Variants in GRM7 observed in about 807,000 individuals in gnomAD.
GRM7 encodes the protein metabotropic glutamate receptor 7.
GRM7 carries 35 observed loss-of-function variants against 84.5 expected under a neutral mutation model. The observed-to-expected ratio is 0.41, with a 90% CI of 0.32 to 0.55. GRM7 has a LOEUF of 0.55. GRM7 is among the 20% of genes least tolerant of loss of function. The pLI, the probability that GRM7 is intolerant of heterozygous loss-of-function variation, is 0.19. For missense variants in GRM7, 1,003 were observed against 1,194.6 expected (o/e 0.84, Z 2.36); for synonymous variants, 487 against 455.1 (o/e 1.07, Z -0.89).
intron 5 of GRM7, among the ~76,000 whole-genome samples, chr3:7,441,484 C>T (rs1199851938): frequency 6.6e-6 from 1 of 151,968 alleles, no homozygotes; most frequent in Non-Finnish European, 1.5e-5. Context: ...TGTAGAAGCT[C>T]TTTAGTATAA....
At chr3:7,164,605 T>G (rs1253434357) in intron 2 of GRM7, among the ~76,000 whole-genome samples, 1 of 152,248 alleles carries the variant, frequency 6.6e-6, no homozygotes, top group African/African-American at 2.4e-5. Flanking sequence ...CTGGATTATC[T>G]TTCTTCTTTT....
intron 2 of GRM7, among the ~76,000 whole-genome samples, chr3:7,276,879 G>A (rs1299012631): frequency 6.9e-6 from 1 of 145,212 alleles, no homozygotes; most frequent in East Asian, 2.2e-4. Flanking sequence ...AGACATATTA[G>A]TTGTTACTAC....
At chr3:6,986,878 C>G (rs960339908) in intron 1 of GRM7, among the ~76,000 whole-genome samples, 1 of 152,168 alleles carries the variant, frequency 6.6e-6, no homozygotes, top group African/African-American at 2.4e-5. Context: ...CTGGTCATCT[C>G]TATACCTTCA....
At chr3:7,383,046 G>A (rs1694651182) in intron 4 of GRM7, among the ~76,000 whole-genome samples, 1 of 151,538 alleles carries the variant, frequency 6.6e-6, no homozygotes, top group African/African-American at 2.4e-5. Flanking sequence ...CTTAGCGAGT[G>A]ATCCTGAATA....
chr3:7,673,352 T>C (rs1700000891), intron 8 of GRM7, among the ~76,000 whole-genome samples: 1 of 152,196 alleles, frequency 6.6e-6, no homozygotes, highest in Non-Finnish European at 1.5e-5. Context: ...CATAAGTGCA[T>C]ACTCTGCAGC....
intron 2 of GRM7, among the ~76,000 whole-genome samples, chr3:7,247,800 G>C (rs1258650798): frequency 1.3e-5 from 2 of 151,986 alleles, no homozygotes. Flanking sequence ...GTAAGGAAAG[G>C]TCAAAGACCT....
At chr3:7,423,237 C>T (rs546519407) in intron 5 of GRM7, among the ~76,000 whole-genome samples, 3 of 152,298 alleles carry the variant, frequency 2.0e-5, no homozygotes, top group Admixed American at 1.3e-4. Flanking sequence ...AACAGTGAAA[C>T]ACCAACTTGA....
intron 1 of GRM7, among the ~76,000 whole-genome samples, chr3:6,892,013 A>G (rs1695972993): frequency 6.6e-6 from 1 of 151,824 alleles, no homozygotes; most frequent in African/African-American, 2.4e-5. Context: ...CCTTTCTTCC[A>G]GTTGGTTGCA....
intron 1 of GRM7, among the ~76,000 whole-genome samples, chr3:6,953,461 C>T (rs534483176): frequency 6.6e-6 from 1 of 152,186 alleles, no homozygotes; most frequent in Non-Finnish European, 1.5e-5. Context: ...ACATAAAGAA[C>T]TCTTTGGTCT....
chr3:6,868,769 C>A (rs1695020270), intron 1 of GRM7, among the ~76,000 whole-genome samples: 1 of 152,108 alleles, frequency 6.6e-6, no homozygotes, highest in African/African-American at 2.4e-5. Flanking sequence ...CTAATAAATG[C>A]AACATTAATG....
chr3:7,643,306 C>T (rs1357354473), intron 8 of GRM7, among the ~76,000 whole-genome samples: 11 of 139,126 alleles, frequency 7.9e-5, no homozygotes, highest in African/African-American at 1.1e-4. Context: ...ACAAGGGCTA[C>T]GCAGGGAGCC....
At chr3:7,698,371 C>T (rs539504069) in intron 9 of GRM7, among the ~76,000 whole-genome samples, 337 of 152,292 alleles carry the variant, frequency 2.2e-3, no homozygotes, top group African/African-American at 7.6e-3. Context: ...TATGTATTAG[C>T]TCATTTAATT....
intron 9 of GRM7, chr3:7,686,580 T>C (rs911140304): frequency 8.4e-6 from 5 of 594,546 alleles, no homozygotes; most frequent in African/African-American, 3.7e-5. Flanking sequence ...TCAAAGATGA[T>C]CGATTTGATA....
chr3:7,373,967 G>C (rs899873550), intron 4 of GRM7, among the ~76,000 whole-genome samples: 2 of 152,098 alleles, frequency 1.3e-5, no homozygotes, highest in African/African-American at 4.8e-5. Context: ...TACCATGTTG[G>C]GGAAGTGCAG....
At chr3:7,413,952 A>G (rs1350739255) in intron 4 of GRM7, among the ~76,000 whole-genome samples, 6 of 152,130 alleles carry the variant, frequency 3.9e-5, no homozygotes, top group African/African-American at 7.2e-5. Context: ...TCACTGCCCT[A>G]TAGGATGGGT....
At chr3:7,073,013 C>G (rs949394522) in intron 1 of GRM7, among the ~76,000 whole-genome samples, 2 of 151,976 alleles carry the variant, frequency 1.3e-5, no homozygotes, top group Non-Finnish European at 2.9e-5. Flanking sequence ...ATTAGTGGAC[C>G]CTATATTAAG....
chr3:7,137,804 TAAG>T (rs2125059591), intron 1 of GRM7, among the ~76,000 whole-genome samples: 1 of 152,122 alleles, frequency 6.6e-6, no homozygotes, highest in South Asian at 2.1e-4. Flanking sequence ...GGAACGTCAT[TAAG>T]AAGGAGTGTG....
intron 1 of GRM7, among the ~76,000 whole-genome samples, chr3:7,121,173 C>G (rs983558539): frequency 1.3e-5 from 2 of 152,122 alleles, no homozygotes; most frequent in Non-Finnish European, 2.9e-5. Context: ...TAAAGTTGGT[C>G]CAACAACTCA....
At position 7,396,323 on chromosome 3, in the gene GRM7, A is replaced by G. The variant is rs186511808; in HGVS notation, c.1034-18700A>G. ...ACACACTAAAAAGGTGAATCTGAAG[A>G]GAGGTTTCTGAGGTAGCAAAAAAAA... On this transcript the variant is annotated intron_variant, in intron 4 of 9. Transcript: ENST00000357716. Among the ~76,000 whole-genome samples the G allele has an allele frequency of 5.4e-4, 82 of 152,264 alleles. 1 individual carries two copies. Among genetic ancestry groups the G allele is most frequent in the Admixed American group, 4.1e-3 (63 of 15,284 alleles).
Sources: allele counts gnomAD v4.1 joint callset (sites outside exome capture counted in the v4.1 genomes callset), GRCh38; gene constraint gnomAD v4.1.1; transcripts MANE v1.5; gene names NCBI Gene and HGNC (gene_info 2026-07-23, HGNC 2026-07-21).